The following TBC1D13 variants were observed in gnomAD, a reference collection of about 807,000 sequenced individuals.
The protein encoded by TBC1D13 is epididymis secretory sperm binding protein.
A neutral mutation model predicts 53.6 loss-of-function variants in TBC1D13; 40 were observed. The ratio of observed to expected loss-of-function variants is 0.75; its 90% CI spans 0.58 to 0.97. TBC1D13 has a LOEUF of 0.97. Among genes scored for constraint, TBC1D13 ranks in the 50% least tolerant of loss-of-function variants. The pLI, the probability that TBC1D13 is intolerant of heterozygous loss-of-function variation, is 0.00. For synonymous variants in TBC1D13, 182 were observed against 197.7 expected (o/e 0.92, Z 0.67); for missense variants, 377 against 499.4 (o/e 0.75, Z 2.34).
In TBC1D13 at chr9:128,791,380, A is replaced by G. The variant is rs537584276; in HGVS notation, c.139A>G (p.Ile47Val). The change falls in exon 4 of 12, where the codon ATT becomes GTT. Residue 47 changes from isoleucine to valine, a missense_variant and splice_region_variant. By Grantham distance (29) the Ile-to-Val change is conservative (BLOSUM62 3). Coordinates refer to ENST00000372648, the MANE Select transcript of TBC1D13 (RefSeq NM_018201.5). ...GCTTTGCCCTTCTCCCTCTGTGCAGATTCTCTTGAACTACCTTCCCTTGGA... is the reference window on the plus strand; with the variant it reads ...GCTTTGCCCTTCTCCCTCTGTGCAGGTTCTCTTGAACTACCTTCCCTTGGA... The part of the protein sequence containing the change: ...EGGLRCLCWK[I>V]LLNYLPLERA... The G allele has an allele frequency of 6.2e-7, 1 of 1,614,054 alleles. No homozygotes were observed. The highest frequency in any genetic ancestry group is 2.2e-5 in the East Asian group (1 of 44,872).
intron 8 of TBC1D13, among the ~76,000 whole-genome samples, chr9:128,803,714 A>G (rs1364070855): frequency 6.6e-6 from 1 of 152,246 alleles, no homozygotes; most frequent in Non-Finnish European, 1.5e-5. Context: ...TGATTTTTAA[A>G]TTGTCATCAG....
At position 128,809,659 on chromosome 9, in the gene TBC1D13, G is replaced by A. The variant is rs532822440; in HGVS notation, c.*1780G>A. ...GGGATGAGGCATGGGTATAGGAAGG[G>A]AGAAAGGAGTTGGAGACAAGATCCT... On this transcript the variant is annotated 3_prime_UTR_variant, in exon 12 of 12. Coordinates refer to ENST00000372648, the MANE Select transcript of TBC1D13 (RefSeq NM_018201.5). 1 of 152,354 alleles carries A rather than the reference G, an allele frequency of 6.6e-6. No individual in the cohort carries two copies. The highest frequency in any genetic ancestry group is 2.1e-4 in the South Asian group (1 of 4,832). 9.4% of individuals were successfully genotyped at this position (152,354 alleles called of 1,614,324 possible).
chr9:128,807,751 G>A (rs1424834290), intron 11 of TBC1D13, 63 bp from the exon 12 acceptor site: 1 of 1,544,504 alleles, frequency 6.5e-7, no homozygotes, highest in Non-Finnish European at 9.0e-7. Flanking sequence ...CAGCAGGGAG[G>A]GTGTGGGTGT....
Position 128,806,298 on chromosome 9 carries a change from T to A in TBC1D13, c.1124T>A (p.Met375Lys). 1 of 1,614,092 alleles carries A rather than the reference T, an allele frequency of 6.2e-7. No individual in the cohort carries two copies. Among genetic ancestry groups the A allele is most frequent in the South Asian group, 1.1e-5 (1 of 91,078 alleles). ...CTGGAAGGGGACTTCACTGTGAATA[T>A]GCGGCTGCTGCAGGTAATGGGAGTT... ...QLLEGDFTVNMRLLQDYPITD... is the reference protein window; with the variant it reads ...QLLEGDFTVNKRLLQDYPITD... Residue 375 changes from methionine (M) to lysine (K), a missense_variant, in exon 11 of 12, where the codon ATG (methionine) becomes AAG (lysine). Met to Lys is a moderately conservative substitution (Grantham distance 95). Transcript: ENST00000372648.
chr9:128,797,042 T>A lies in TBC1D13; in HGVS notation c.384-13T>A. On this transcript the variant is annotated splice_polypyrimidine_tract_variant and intron_variant, in intron 6 of 11. Coordinates refer to ENST00000372648, the MANE Select transcript of TBC1D13 (RefSeq NM_018201.5). ...CTTGAGTAACAAGATTATTTCCTGTTCCCTCTTGACAGGAGGTTGTGCCCA... is the reference window on the plus strand; with the variant it reads ...CTTGAGTAACAAGATTATTTCCTGTACCCTCTTGACAGGAGGTTGTGCCCA... 1 of 1,613,638 alleles carries A rather than the reference T, an allele frequency of 6.2e-7. No individual in the cohort carries two copies. Among genetic ancestry groups the A allele is most frequent in the South Asian group, 1.1e-5 (1 of 91,028 alleles).
At chr9:128,800,367 C>CTT (rs780656078) in intron 7 of TBC1D13, among the ~76,000 whole-genome samples, 4,171 of 106,640 alleles carry the variant, frequency 0.039, 438 homozygotes, top group African/African-American at 0.14. Context: ...TATCTTCCAA[C>CTT]TTTTTTTTTT....
intron 8 of TBC1D13, 25 bp from the exon 9 acceptor site, chr9:128,803,931 C>T: frequency 6.2e-7 from 1 of 1,611,208 alleles, no homozygotes; most frequent in Non-Finnish European, 8.5e-7. Context: ...TGCGCCACTT[C>T]TGCCCCCATC....
At chr9:128,800,281 G>T (rs1356535729) in intron 7 of TBC1D13, among the ~76,000 whole-genome samples, 9 of 152,054 alleles carry the variant, frequency 5.9e-5, no homozygotes, top group African/African-American at 1.9e-4. Context: ...GTTCCCAAGG[G>T]ATCCTGGCAG....
chr9:128,803,133 A>G (rs1829766140), intron 7 of TBC1D13, 117 bp from the exon 8 acceptor site: 1 of 849,704 alleles, frequency 1.2e-6, no homozygotes, highest in South Asian at 1.5e-5. Context: ...GGCTCACTGC[A>G]GCCTCGACCA....
chr9:128,790,791 G>A lies in TBC1D13; in HGVS notation c.138+16G>A. 1 of 1,558,910 alleles carries A rather than the reference G, an allele frequency of 6.4e-7. No individual in the cohort carries two copies. Among genetic ancestry groups the A allele is most frequent in the South Asian group, 1.2e-5 (1 of 83,418 alleles). On this transcript the variant is annotated intron_variant, in intron 3 of 11. Transcript: ENST00000372648. ...CTGCTGGAAGGTGGGTGTGCCTGGG[G>A]TGGGGCTTCTGCTCTGCTGAGAGTC...
intron 6 of TBC1D13, among the ~76,000 whole-genome samples, chr9:128,794,142 G>A (rs376809063): frequency 2.6e-4 from 40 of 152,208 alleles, no homozygotes; most frequent in African/African-American, 7.0e-4. Context: ...CAAGCTGGGT[G>A]GAAGAGTCTG....
Position 128,787,277 on chromosome 9 carries a change from G to A in TBC1D13, c.-77G>A. 2.5e-6 allele frequency: 3 copies of A among 1,183,830 alleles called. No homozygotes were observed. Among genetic ancestry groups the A allele is most frequent in the Non-Finnish European group, 3.2e-6 (3 of 932,400 alleles). The allele number at this position is 1,183,830 out of a possible 1,614,324, so 73.3% of individuals were successfully genotyped here. On this transcript the variant is annotated 5_prime_UTR_variant, in exon 1 of 12. Transcript: ENST00000372648. ...TGCGCAGAGCCCCGCGTCCCTGGGG[G>A]GCGGCGGCGGCGGCGGCAGCGCAGG... is the stretch of plus-strand genomic sequence containing the variant.
In TBC1D13 at chr9:128,807,734, C is replaced by T. The variant is rs1331183434; in HGVS notation, c.1138-80C>T. The T allele has an allele frequency of 1.8e-5, 26 of 1,458,244 alleles. No homozygotes were observed. The South Asian group carries it at 2.5e-4, about 14-fold the overall frequency. The allele number at this position is 1,458,244 out of a possible 1,614,324, so 90.3% of individuals were successfully genotyped here. On this transcript the variant is annotated intron_variant, in intron 11 of 11. Transcript: ENST00000372648. ...TGAGGCCCAGGATCCAGCATGGCAA[C>T]GGGTCCCAGCAGGGAGGGTGTGGGT...
chr9:128,787,331 T>C lies in TBC1D13; in HGVS notation c.-23T>C. On this transcript the variant is annotated 5_prime_UTR_variant, in exon 1 of 12. Transcript: ENST00000372648. ...CAGAGGCGCAGGCGGCGGAGGCGGCTGGGGGGTCCGGAAGTCAACACCATG... is the reference window on the plus strand; with the variant it reads ...CAGAGGCGCAGGCGGCGGAGGCGGCCGGGGGGTCCGGAAGTCAACACCATG... 6.4e-6 allele frequency: 8 copies of C among 1,257,902 alleles called. No individual in the cohort carries two copies. The highest frequency in any genetic ancestry group is 8.0e-6 in the Non-Finnish European group (8 of 995,520). The allele number at this position is 1,257,902 out of a possible 1,614,324, so 77.9% of individuals were successfully genotyped here. A position where few individuals can be genotyped will look rare whatever the true frequency, so the allele number is the denominator to read the frequency against.
At chr9:128,794,016 A>G (rs1289974670) in intron 6 of TBC1D13, among the ~76,000 whole-genome samples, 1 of 152,234 alleles carries the variant, frequency 6.6e-6, no homozygotes, top group African/African-American at 2.4e-5. Context: ...GCTGTGAAGG[A>G]GGGAAAAACT....
chr9:128,793,611 G>T (rs997958341), intron 6 of TBC1D13, among the ~76,000 whole-genome samples: 1 of 152,214 alleles, frequency 6.6e-6, no homozygotes, highest in African/African-American at 2.4e-5. Flanking sequence ...AACGGGCTGG[G>T]TCTCCACAGA....
At position 128,791,454 on chromosome 9, in the gene TBC1D13, G is replaced by GT; in HGVS notation, c.200+14dup. The GT allele has an allele frequency of 2.5e-6, 4 of 1,614,100 alleles. No homozygotes were observed. Among genetic ancestry groups the GT allele is most frequent in the Non-Finnish European group, 3.4e-6 (4 of 1,179,938 alleles). On this transcript the variant is annotated intron_variant, in intron 4 of 11. Transcript: ENST00000372648. The stretch of plus-strand genomic sequence containing the variant: ...TGGCCAAGCAGAGGTGAGACCCCGT[G>GT]TAAGGGCAGTGACAGGAGGGCCCTT...
In TBC1D13 at chr9:128,805,940, G is replaced by A. The variant is rs547413812; in HGVS notation, c.1000G>A (p.Val334Ile). ...LLSQEFLLPD[V>I]IRIWDSLFAD... ...GTCCCAGGAGTTCTTGCTGCCTGAC[G>A]TCATCCGCATCTGGGACTCCCTCTT... is the stretch of plus-strand genomic sequence containing the variant. Residue 334 changes from valine to isoleucine, a missense_variant, in exon 10 of 12, where the codon GTC (valine) becomes ATC (isoleucine). Coordinates refer to ENST00000372648, the MANE Select transcript of TBC1D13 (RefSeq NM_018201.5). 2.6e-5 allele frequency: 42 copies of A among 1,614,152 alleles called. No homozygotes were observed. Among genetic ancestry groups the A allele is most frequent in the East Asian group, 4.5e-5 (2 of 44,884 alleles).
In TBC1D13 at chr9:128,797,001, T is replaced by A. The variant is rs185888912; in HGVS notation, c.384-54T>A. Reference sequence around the variant, plus strand: ...TCTTGGGGTCTCCTGGCAGATGGGATGGCGAAAACTTCCACCTTGAGTAAC... The same window carrying A: ...TCTTGGGGTCTCCTGGCAGATGGGAAGGCGAAAACTTCCACCTTGAGTAAC... On this transcript the variant is annotated intron_variant, in intron 6 of 11. Transcript: ENST00000372648. 97 of 1,597,408 alleles carry A rather than the reference T, an allele frequency of 6.1e-5. No individual in the cohort carries two copies. The East Asian group carries it at 2.0e-3, about 32-fold the overall frequency.
Sources: allele counts gnomAD v4.1 joint callset (sites outside exome capture counted in the v4.1 genomes callset), GRCh38; gene constraint gnomAD v4.1.1; transcripts MANE v1.5; gene names NCBI Gene and HGNC (gene_info 2026-07-23, HGNC 2026-07-21).